The following LRBA variants were observed in gnomAD, a reference collection of about 807,000 sequenced individuals.
LRBA encodes LPS responsive beige-like anchor protein.
Under a neutral mutation model 330.0 loss-of-function variants are expected in LRBA, and 176 were observed. That is an observed-to-expected ratio of 0.53 (90% confidence interval 0.47 to 0.60). The LOEUF (loss-of-function observed/expected upper bound fraction) is 0.60, where lower values mean the gene tolerates loss of function less well. Ranked by LOEUF, LRBA falls within the 20% of genes least tolerant of loss-of-function variation. LRBA has a pLI of 0.00. For synonymous variants in LRBA, 1,230 were observed against 1,193.0 expected (o/e 1.03, Z -0.64); for missense variants, 3,259 against 3,444.8 (o/e 0.95, Z 1.35).
At chr4:150,807,619 T>C (rs1396344203) in intron 32 of LRBA, among the ~76,000 whole-genome samples, 1 of 127,950 alleles carries the variant, frequency 7.8e-6, no homozygotes, top group Non-Finnish European at 1.7e-5. Flanking sequence ...CTATCACTTA[T>C]ATCAGCATTT....
Position 150,817,196 on chromosome 4 carries a change from G to A in LRBA, c.5233C>T (p.Pro1745Ser), listed in dbSNP as rs1458838681. ...GAAACCACACTGACAGCATTGGTAGGTATGCTTGTATTAAAGGTGGAAGGT... is the reference window on the plus strand; with the variant it reads ...GAAACCACACTGACAGCATTGGTAGATATGCTTGTATTAAAGGTGGAAGGT... ...VSPSTFNTSI[P>S]TNAVSVVSSV... is the part of the protein sequence containing the mutation. Residue 1745 changes from proline to serine, a missense_variant, in exon 31 of 57, where the codon CCT (proline) becomes TCT (serine). Physicochemically the swap from Pro to Ser is moderately conservative, Grantham distance 74. Coordinates refer to ENST00000651943, the MANE Select transcript of LRBA (RefSeq NM_001364905.1). The A allele has an allele frequency of 4.3e-6, 7 of 1,611,254 alleles. No homozygotes were observed. In the African/African-American group the frequency reaches 9.4e-5, roughly 22 times the overall value.
chr4:150,707,104 T>C (rs1785702644), intron 36 of LRBA, among the ~76,000 whole-genome samples: 2 of 151,768 alleles, frequency 1.3e-5, no homozygotes, highest in African/African-American at 4.8e-5. Context: ...TTTGAGTGCA[T>C]ATGCATAAAG....
At chr4:150,750,585 C>T (rs1459928119) in intron 35 of LRBA, among the ~76,000 whole-genome samples, 1 of 152,012 alleles carries the variant, frequency 6.6e-6, no homozygotes, top group East Asian at 1.9e-4. Context: ...GTAGCTAGGA[C>T]TACAGGTGCA....
chr4:150,451,815 G>C (rs1753381372), intron 44 of LRBA, among the ~76,000 whole-genome samples: 1 of 152,052 alleles, frequency 6.6e-6, no homozygotes, highest in African/African-American at 2.4e-5. Flanking sequence ...AATGAATGAA[G>C]GGACAACTTA....
intron 2 of LRBA, among the ~76,000 whole-genome samples, chr4:151,000,741 T>A (rs1456183564): frequency 2.0e-5 from 3 of 152,242 alleles, no homozygotes; most frequent in Non-Finnish European, 4.4e-5. Flanking sequence ...TAGAGGCATC[T>A]CCTACTTGCC....
At chr4:150,425,157 G>A (rs1385918286) in intron 46 of LRBA, among the ~76,000 whole-genome samples, 2 of 152,178 alleles carry the variant, frequency 1.3e-5, no homozygotes, top group Non-Finnish European at 2.9e-5. Context: ...CAGATGAAAT[G>A]TAGTAACAGA....
At chr4:150,437,982 T>C (rs911386538) in intron 44 of LRBA, among the ~76,000 whole-genome samples, 1 of 152,216 alleles carries the variant, frequency 6.6e-6, no homozygotes. Flanking sequence ...ATCAAGCCTA[T>C]GCATGTACAT....
At chr4:150,687,164 TA>T (rs955669082) in intron 36 of LRBA, among the ~76,000 whole-genome samples, 2 of 152,164 alleles carry the variant, frequency 1.3e-5, no homozygotes, top group Admixed American at 6.5e-5. Context: ...TAATATTTTT[TA>T]AATGTCCTTA....
intron 34 of LRBA, among the ~76,000 whole-genome samples, chr4:150,762,216 TGAAGA>T (rs1377176527): frequency 6.6e-6 from 1 of 151,838 alleles, no homozygotes; most frequent in Non-Finnish European, 1.5e-5. Context: ...TTACCCAAAA[TGAAGA>T]GAAGAAAGAA....
intron 2 of LRBA, among the ~76,000 whole-genome samples, chr4:150,976,175 GAAAAAAAAA>G (rs56914557): frequency 1.1e-5 from 1 of 88,732 alleles, no homozygotes; most frequent in South Asian, 3.9e-4. Context: ...ACTCCGTCTT[GAAAAAAAAA>G]AAAAAAAAAA....
chr4:150,520,298 T>C (rs950288697), intron 40 of LRBA, among the ~76,000 whole-genome samples: 2 of 152,198 alleles, frequency 1.3e-5, no homozygotes, highest in Non-Finnish European at 2.9e-5. Context: ...TTGAGTTGAA[T>C]TGATAGATAA....
At chr4:150,659,881 C>T (rs1235033730) in intron 37 of LRBA, among the ~76,000 whole-genome samples, 1 of 103,134 alleles carries the variant, frequency 9.7e-6, no homozygotes, top group African/African-American at 3.1e-5. Context: ...CCCGGCCAGC[C>T]GCCCCGTCCG....
intron 35 of LRBA, among the ~76,000 whole-genome samples, chr4:150,749,345 G>A (rs1733210722): frequency 6.6e-6 from 1 of 152,174 alleles, no homozygotes; most frequent in Non-Finnish European, 1.5e-5. Flanking sequence ...TAAAGCAGGA[G>A]GATCGCTTGA....
Position 150,415,424 on chromosome 4 carries a change from GATT to G in LRBA, c.7194+11_7194+13del, listed in dbSNP as rs1280585265. On this transcript the variant is annotated intron_variant, in intron 47 of 56. Coordinates refer to ENST00000651943, the MANE Select transcript of LRBA (RefSeq NM_001364905.1). ...AAAGCTCATGACAGACAGAGTAGAT[GATT>G]ATTATCTTACCAATCTGTTTATGTG... 3 of 1,610,812 alleles carry G rather than the reference GATT, an allele frequency of 1.9e-6. No individual in the cohort carries two copies. In the African/African-American group the frequency reaches 4.0e-5, roughly 22 times the overall value.
intron 41 of LRBA, among the ~76,000 whole-genome samples, chr4:150,488,920 TAAG>T (rs1394820660): frequency 7.2e-6 from 1 of 138,074 alleles, no homozygotes; most frequent in Non-Finnish European, 1.5e-5. Context: ...TACACACACA[TAAG>T]AATATATACA....
intron 47 of LRBA, among the ~76,000 whole-genome samples, chr4:150,362,018 C>A (rs1005914457): frequency 1.3e-5 from 2 of 152,044 alleles, no homozygotes; most frequent in African/African-American, 4.8e-5. Flanking sequence ...ATGATCTGCC[C>A]GCCTCGGCCT....
chr4:150,965,957 T>A (rs1286846484), intron 2 of LRBA, among the ~76,000 whole-genome samples: 1 of 152,114 alleles, frequency 6.6e-6, no homozygotes, highest in Non-Finnish European at 1.5e-5. Flanking sequence ...TTAAATACAT[T>A]CCTATTTTTG....
rs965620037 is a variant in LRBA at position 150,350,033 on chromosome 4, C to A, written c.7321G>T (p.Ala2441Ser). 1.9e-6 allele frequency: 3 copies of A among 1,613,704 alleles called. No homozygotes were observed. The highest frequency in any genetic ancestry group is 2.5e-6 in the Non-Finnish European group (3 of 1,179,854). ...TCAGTTATTGAATTCAGATTGACAGCTCCTTCATAGGTCAAGTAATAGAAC... is the reference window on the plus strand; with the variant it reads ...TCAGTTATTGAATTCAGATTGACAGATCCTTCATAGGTCAAGTAATAGAAC... ...NVFYYLTYEG[A>S]VNLNSITDPV... Residue 2441 changes from alanine (A) to serine (S), a missense_variant, in exon 48 of 57, where the codon GCT becomes TCT. Physicochemically the swap from Ala to Ser is moderately conservative, Grantham distance 99 (BLOSUM62 1). Coordinates refer to ENST00000651943, the MANE Select transcript of LRBA (RefSeq NM_001364905.1).
At chr4:150,563,568 C>T (rs1325908075) in intron 40 of LRBA, among the ~76,000 whole-genome samples, 1 of 152,074 alleles carries the variant, frequency 6.6e-6, no homozygotes, top group Non-Finnish European at 1.5e-5. Flanking sequence ...AAAGCGTATT[C>T]GAATAGGAAG....
Sources: gnomAD v4.1 joint callset for allele counts (sites outside exome capture counted in the v4.1 genomes callset) on GRCh38, gnomAD v4.1.1 for gene constraint, MANE v1.5 for transcripts, NCBI Gene and HGNC (gene_info 2026-07-23, HGNC 2026-07-21) for gene names.